The following KCNIP1 variants were observed in gnomAD, a reference collection of about 807,000 sequenced individuals.
KCNIP1 encodes A-type potassium channel modulatory protein KCNIP1.
A neutral mutation model predicts 33.0 loss-of-function variants in KCNIP1; 18 were observed. That is an observed-to-expected ratio of 0.55 (90% CI 0.38 to 0.81). The LOEUF (loss-of-function observed/expected upper bound fraction) is 0.81. KCNIP1 is among the 30% of genes least tolerant of loss of function. The pLI, the probability that KCNIP1 is intolerant of heterozygous loss-of-function variation, is 0.00. For missense variants in KCNIP1, 238 were observed against 271.6 expected, an observed-to-expected ratio of 0.88 and a Z score of 0.87; for synonymous variants, 93 against 98.3, an observed-to-expected ratio of 0.95 and a Z score of 0.32.
chr5:170,502,601 T>C (rs1282534335), upstream of KCNIP1, among the ~76,000 whole-genome samples: 1 of 152,160 alleles, frequency 6.6e-6, no homozygotes, highest in Non-Finnish European at 1.5e-5. Flanking sequence ...GGTCTGTCTG[T>C]GTGTACAATA....
chr5:170,408,198 A>G (rs979925130), intron 1 of KCNIP1, among the ~76,000 whole-genome samples: 7 of 152,186 alleles, frequency 4.6e-5, no homozygotes, highest in African/African-American at 2.4e-5. Flanking sequence ...GGAGGAGGGA[A>G]TTGTTAGATA....
chr5:170,403,702 C>T (rs1436986646), intron 1 of KCNIP1, among the ~76,000 whole-genome samples: 4 of 152,210 alleles, frequency 2.6e-5, no homozygotes, highest in African/African-American at 4.8e-5. Context: ...TCAGGCATAG[C>T]TCAGGCCCTA....
At chr5:170,665,838 T>A (rs1191260271) in intron 1 of KCNIP1, among the ~76,000 whole-genome samples, 1 of 152,228 alleles carries the variant, frequency 6.6e-6, no homozygotes, top group African/African-American at 2.4e-5. Context: ...CTGGGTCTTA[T>A]CTGAAGTTTT....
At chr5:170,553,883 TC>T (rs768588485) in intron 1 of KCNIP1, among the ~76,000 whole-genome samples, 2 of 152,204 alleles carry the variant, frequency 1.3e-5, no homozygotes, top group African/African-American at 4.8e-5. Flanking sequence ...GGTTCATCCT[TC>T]ACATGAGAAA....
At chr5:170,390,712 T>C (rs191523129) in intron 1 of KCNIP1, among the ~76,000 whole-genome samples, 9 of 151,664 alleles carry the variant, frequency 5.9e-5, no homozygotes, top group African/African-American at 2.2e-4. Context: ...AGAACTAGAT[T>C]CGAAGCTGGC....
intron 1 of KCNIP1, among the ~76,000 whole-genome samples, chr5:170,545,850 GCTTT>G (rs1315737854): frequency 2.0e-5 from 3 of 152,120 alleles, no homozygotes; most frequent in Non-Finnish European, 4.4e-5. Flanking sequence ...TTTATTGTTA[GCTTT>G]CTTTTTCTCT....
chr5:170,381,871 A>G (rs1414827828), intron 1 of KCNIP1, among the ~76,000 whole-genome samples: 2 of 152,230 alleles, frequency 1.3e-5, no homozygotes, highest in Non-Finnish European at 2.9e-5. Context: ...GGCAGGGGTC[A>G]TGGGTAGGAG....
intron 1 of KCNIP1, among the ~76,000 whole-genome samples, chr5:170,692,766 A>G (rs560244219): frequency 3.9e-5 from 6 of 152,336 alleles, no homozygotes; most frequent in Admixed American, 1.3e-4. Context: ...AAATCTGAAT[A>G]TGGGGAGCAT....
intron 1 of KCNIP1, among the ~76,000 whole-genome samples, chr5:170,538,847 C>T (rs541166581): frequency 1.3e-5 from 2 of 151,568 alleles, no homozygotes; most frequent in African/African-American, 4.8e-5. Context: ...TGCAGTCATT[C>T]ATTAATTGAA....
intron 1 of KCNIP1, among the ~76,000 whole-genome samples, chr5:170,453,527 A>G (rs550964665): frequency 1.3e-5 from 2 of 152,326 alleles, no homozygotes; most frequent in East Asian, 3.9e-4. Context: ...CTCCAACACG[A>G]CTAGTGGACA....
intron 1 of KCNIP1, among the ~76,000 whole-genome samples, chr5:170,652,498 A>AAAG (rs1761083585): frequency 9.7e-6 from 1 of 103,052 alleles, no homozygotes; most frequent in Non-Finnish European, 1.8e-5. Context: ...AAAAAAAAAA[A>AAAG]AAGGAAGGAA....
intron 5 of KCNIP1, 130 bp downstream of exon 5, chr5:170,722,950 G>A (rs1763881753): frequency 1.6e-6 from 1 of 620,324 alleles, no homozygotes. Flanking sequence ...AACAGAGCTG[G>A]TCCCTGGCAA....
At chr5:170,680,693 A>G (rs764841322) in intron 1 of KCNIP1, 1 of 164,360 alleles carries the variant, frequency 6.1e-6, no homozygotes, top group Admixed American at 6.4e-5. Flanking sequence ...CTCTTTCTGT[A>G]TGTCTTTCAA....
chr5:170,618,875 G>C (rs1759500390), intron 1 of KCNIP1, among the ~76,000 whole-genome samples: 1 of 152,086 alleles, frequency 6.6e-6, no homozygotes, highest in Admixed American at 6.5e-5. Flanking sequence ...CCTTCTAATA[G>C]AAGGTATAGA....
At chr5:170,573,227 T>C (rs1334816832) in intron 1 of KCNIP1, among the ~76,000 whole-genome samples, 2 of 152,206 alleles carry the variant, frequency 1.3e-5, no homozygotes, top group African/African-American at 4.8e-5. Flanking sequence ...ATTGGTACTT[T>C]AATTATGCAC....
rs535263104 is a variant in KCNIP1, at chr5:170,401,976, T to A, written c.88+48012T>A. ...AAGCTGTCAGCAGGCCCGTGCTCCC[T>A]CCAAAGGCTCTAAGGGGAAAATCCT... On this transcript the variant is annotated intron_variant, in intron 1 of 7. Coordinates refer to the KCNIP1 transcript ENST00000377360. Among the ~76,000 whole-genome samples, 7 of 152,260 alleles carry A rather than the reference T, an allele frequency of 4.6e-5. No individual in the cohort carries two copies. The South Asian group carries it at 1.5e-3, about 32-fold the overall frequency.
At chr5:170,708,588 T>A (rs1334690146) in intron 1 of KCNIP1, among the ~76,000 whole-genome samples, 1 of 152,242 alleles carries the variant, frequency 6.6e-6, no homozygotes, top group East Asian at 1.9e-4. Flanking sequence ...TGAGGTTGCT[T>A]TTTTGATACA....
chr5:170,604,325 G>A (rs185346764), intron 1 of KCNIP1, among the ~76,000 whole-genome samples: 4 of 152,306 alleles, frequency 2.6e-5, no homozygotes, highest in Admixed American at 6.5e-5. Flanking sequence ...AGGTCAGGGT[G>A]CACTGGAGCC....
intron 1 of KCNIP1, among the ~76,000 whole-genome samples, chr5:170,626,149 G>A (rs936297133): frequency 7.2e-5 from 11 of 152,210 alleles, no homozygotes; most frequent in Admixed American, 3.9e-4. Context: ...GCCTGTAGCT[G>A]CTATGTAGAA....
Sources: allele counts gnomAD v4.1 joint callset (sites outside exome capture counted in the v4.1 genomes callset), GRCh38; gene constraint gnomAD v4.1.1; transcripts MANE v1.5; gene names NCBI Gene and HGNC (gene_info 2026-07-23, HGNC 2026-07-21).